ZFPM2: variants seen among roughly 807,000 people sequenced by gnomAD.
ZFPM2 encodes the protein zinc finger protein, FOG family member 2.
In ZFPM2, 20 loss-of-function variants were observed where a neutral mutation model predicts 98.6. The ratio of observed to expected loss-of-function variants is 0.20; its 90% CI spans 0.14 to 0.29. ZFPM2 has a LOEUF of 0.29. Among genes scored for constraint, ZFPM2 ranks in the 10% least tolerant of loss-of-function variants. The pLI is 1.00. For missense variants in ZFPM2, 1,310 were observed against 1,388.6 expected, an observed-to-expected ratio of 0.94 and a Z score of 0.90; for synonymous variants, 518 against 502.7, an observed-to-expected ratio of 1.03 and a Z score of -0.41.
chr8:105,710,590 A>G (rs1811361234), intron 5 of ZFPM2, among the ~76,000 whole-genome samples: 1 of 152,130 alleles, frequency 6.6e-6, no homozygotes, highest in Admixed American at 6.6e-5. Context: ...TTTACCCTAG[A>G]AAATATAAAT....
At chr8:105,713,305 T>G (rs1369756128) in intron 5 of ZFPM2, among the ~76,000 whole-genome samples, 2 of 152,158 alleles carry the variant, frequency 1.3e-5, no homozygotes, top group Non-Finnish European at 2.9e-5. Context: ...ATATGTTTGT[T>G]GGCTGTTTGT....
chr8:105,374,623 C>T (rs1312515636), intron 1 of ZFPM2, among the ~76,000 whole-genome samples: 1 of 152,048 alleles, frequency 6.6e-6, no homozygotes, highest in Non-Finnish European at 1.5e-5. Context: ...TGAGCTCAAG[C>T]AATCCTCTTG....
At chr8:105,468,969 T>C (rs530865301) in intron 3 of ZFPM2, among the ~76,000 whole-genome samples, 1 of 152,254 alleles carries the variant, frequency 6.6e-6, no homozygotes, top group Admixed American at 6.5e-5. Flanking sequence ...AAGCAGTTTT[T>C]TTTTTTTTAT....
At chr8:105,611,314 A>C (rs1816303084) in intron 4 of ZFPM2, among the ~76,000 whole-genome samples, 1 of 152,226 alleles carries the variant, frequency 6.6e-6, no homozygotes, top group Admixed American at 6.5e-5. Flanking sequence ...AACGAGGAAC[A>C]GCTTAATAAT....
chr8:105,660,036 T>C (rs1189449928), intron 5 of ZFPM2, among the ~76,000 whole-genome samples: 1 of 152,208 alleles, frequency 6.6e-6, no homozygotes, highest in Non-Finnish European at 1.5e-5. Context: ...ATAAACACTT[T>C]CCAGAACTAT....
chr8:105,593,269 A>G (rs1186240523), intron 4 of ZFPM2, among the ~76,000 whole-genome samples: 1 of 152,108 alleles, frequency 6.6e-6, no homozygotes, highest in Non-Finnish European at 1.5e-5. Flanking sequence ...TAATGGAGAA[A>G]AGAATTACCA....
intron 5 of ZFPM2, among the ~76,000 whole-genome samples, chr8:105,732,900 CTTG>C (rs781723457): frequency 2.0e-4 from 31 of 151,730 alleles, no homozygotes; most frequent in Non-Finnish European, 4.1e-4. Flanking sequence ...AATGCAGCTT[CTTG>C]TTGTTAAAGT....
At chr8:105,398,627 C>T (rs1811271948) in intron 1 of ZFPM2, among the ~76,000 whole-genome samples, 1 of 152,070 alleles carries the variant, frequency 6.6e-6, no homozygotes, top group Non-Finnish European at 1.5e-5. Context: ...AGATCCCTCA[C>T]ATGCACAGTT....
chr8:105,457,788 A>G (rs749526563), intron 3 of ZFPM2, among the ~76,000 whole-genome samples: 30 of 152,272 alleles, frequency 2.0e-4, no homozygotes, highest in Non-Finnish European at 3.5e-4. Flanking sequence ...TCCCAGCTAT[A>G]CCTGCTACCT....
chr8:105,703,466 G>A (rs1811185098), intron 5 of ZFPM2, among the ~76,000 whole-genome samples: 1 of 152,150 alleles, frequency 6.6e-6, no homozygotes, highest in South Asian at 2.1e-4. Flanking sequence ...GAGAACGAAG[G>A]GAAGGGCAAT....
intron 3 of ZFPM2, among the ~76,000 whole-genome samples, chr8:105,490,898 TA>T (rs1813343675): frequency 6.6e-6 from 1 of 152,152 alleles, no homozygotes; most frequent in Admixed American, 6.6e-5. Flanking sequence ...ATAAGGCTTT[TA>T]AAGGACAATA....
chr8:105,533,267 A>G (rs1336435359), intron 3 of ZFPM2, among the ~76,000 whole-genome samples: 2 of 152,120 alleles, frequency 1.3e-5, no homozygotes, highest in East Asian at 3.9e-4. Flanking sequence ...CCATAAAAGG[A>G]CAGTTTTAGA....
intron 3 of ZFPM2, among the ~76,000 whole-genome samples, chr8:105,459,174 A>G (rs1158774948): frequency 1.3e-5 from 2 of 152,096 alleles, no homozygotes; most frequent in Non-Finnish European, 2.9e-5. Context: ...AGCCTCCCAG[A>G]TAGCTGGGAC....
chr8:105,755,406 T>TTCA (rs1177771968), intron 5 of ZFPM2, among the ~76,000 whole-genome samples: 1 of 152,134 alleles, frequency 6.6e-6, no homozygotes, highest in Non-Finnish European at 1.5e-5. Flanking sequence ...TTGATACCAC[T>TTCA]TCATGCACAC....
At chr8:105,695,959 G>A (rs1811008317) in intron 5 of ZFPM2, among the ~76,000 whole-genome samples, 1 of 152,054 alleles carries the variant, frequency 6.6e-6, no homozygotes. Context: ...CAGAATCTTT[G>A]TCTTACTTTT....
chr8:105,541,897 AT>A (rs1275022597), intron 3 of ZFPM2, among the ~76,000 whole-genome samples: 1 of 152,176 alleles, frequency 6.6e-6, no homozygotes, highest in Non-Finnish European at 1.5e-5. Context: ...AATCACCTTC[AT>A]TTTGAAGAAA....
At chr8:105,590,353 A>G (rs1815815106) in intron 4 of ZFPM2, among the ~76,000 whole-genome samples, 1 of 152,220 alleles carries the variant, frequency 6.6e-6, no homozygotes, top group Non-Finnish European at 1.5e-5. Flanking sequence ...TGTGGAGGAT[A>G]ATAACCACAA....
At chr8:105,441,247 G>A (rs1194183281) in intron 2 of ZFPM2, among the ~76,000 whole-genome samples, 3 of 151,368 alleles carry the variant, frequency 2.0e-5, no homozygotes, top group Non-Finnish European at 4.4e-5. Context: ...CTCCTTAATT[G>A]TGTTTTTATT....
intron 5 of ZFPM2, among the ~76,000 whole-genome samples, chr8:105,707,338 G>A (rs1469825649): frequency 6.6e-6 from 1 of 151,994 alleles, no homozygotes; most frequent in Admixed American, 6.6e-5. Context: ...ATGTAAAGGT[G>A]ACCAAATAAT....
Sources: gnomAD v4.1 joint callset for allele counts (sites outside exome capture counted in the v4.1 genomes callset) on GRCh38, gnomAD v4.1.1 for gene constraint, MANE v1.5 for transcripts, NCBI Gene and HGNC (gene_info 2026-07-23, HGNC 2026-07-21) for gene names.